EPHA3: variants seen among roughly 807,000 people sequenced by gnomAD.
The protein encoded by EPHA3 is EPH receptor A3, also known as ephrin type-A receptor 3.
Under a neutral mutation model 107.1 loss-of-function variants are expected in EPHA3, and 42 were observed. The observed-to-expected ratio is 0.39, with a 90% CI of 0.31 to 0.51. The LOEUF (loss-of-function observed/expected upper bound fraction) is 0.51. EPHA3 is among the 20% of genes least tolerant of loss of function. The pLI is 0.78. For missense variants in EPHA3, 1,183 were observed against 1,211.2 expected (o/e 0.98, Z 0.35); for synonymous variants, 461 against 424.8 (o/e 1.09, Z -1.05).
intron 5 of EPHA3, among the ~76,000 whole-genome samples, chr3:89,372,180 A>T (rs1708319505): frequency 6.6e-6 from 1 of 151,590 alleles, no homozygotes; most frequent in Non-Finnish European, 1.5e-5. Flanking sequence ...AAGGTTTTGG[A>T]ACCAGTCAGC....
intron 3 of EPHA3, among the ~76,000 whole-genome samples, chr3:89,312,567 G>A (rs190009008): frequency 9.2e-5 from 14 of 151,390 alleles, no homozygotes; most frequent in Admixed American, 7.3e-4. Context: ...CATTATACCC[G>A]TTATAGTTTC....
In EPHA3 at chr3:89,428,502, T is replaced by G. The variant is rs139996695; in HGVS notation, c.2075-604T>G. Reference sequence around the variant, plus strand: ...AGCAATTTTAATTTCAGTTTTATTTTCCATTTAAACATAGCATTCATTTCA... The same window carrying G: ...AGCAATTTTAATTTCAGTTTTATTTGCCATTTAAACATAGCATTCATTTCA... On this transcript the variant is annotated intron_variant, in intron 11 of 16. Transcript: ENST00000336596. 4.9e-3 allele frequency among the ~76,000 whole-genome samples: 749 copies of G among 152,202 alleles called. 7 individuals are homozygous for G. The highest frequency in any genetic ancestry group is 0.017 in the African/African-American group (726 of 41,554).
At chr3:89,196,496 G>A (rs1705839638) in intron 2 of EPHA3, among the ~76,000 whole-genome samples, 1 of 148,066 alleles carries the variant, frequency 6.8e-6, no homozygotes, top group Non-Finnish European at 1.5e-5. Context: ...GTGCATAACA[G>A]GTGTTTGATA....
At chr3:89,453,926 C>T (rs1197922135) in intron 15 of EPHA3, among the ~76,000 whole-genome samples, 1 of 152,118 alleles carries the variant, frequency 6.6e-6, no homozygotes, top group Non-Finnish European at 1.5e-5. Flanking sequence ...AGAGGCTAAT[C>T]CTCTACTCTT....
chr3:89,255,458 C>T (rs6794198), intron 3 of EPHA3, among the ~76,000 whole-genome samples: 36,815 of 151,986 alleles, frequency 0.24, 4,893 homozygotes, highest in African/African-American at 0.37. Flanking sequence ...ATTGAAACAC[C>T]GACATGTTAA....
chr3:89,374,098 T>C (rs950554385), intron 5 of EPHA3, among the ~76,000 whole-genome samples: 1 of 151,836 alleles, frequency 6.6e-6, no homozygotes, highest in Non-Finnish European at 1.5e-5. Context: ...CTCAGAAATA[T>C]AGTCATATAT....
intron 3 of EPHA3, among the ~76,000 whole-genome samples, chr3:89,281,173 G>A (rs956385576): frequency 2.6e-5 from 4 of 151,968 alleles, no homozygotes; most frequent in African/African-American, 9.7e-5. Context: ...ACAGGCCCAC[G>A]CCGCCACGCC....
chr3:89,456,341 A>T (rs766104728), intron 15 of EPHA3, among the ~76,000 whole-genome samples: 1 of 152,158 alleles, frequency 6.6e-6, no homozygotes, highest in Non-Finnish European at 1.5e-5. Context: ...CTGTGTTTAT[A>T]CACGTACCCT....
intron 3 of EPHA3, among the ~76,000 whole-genome samples, chr3:89,232,997 C>T (rs1704673021): frequency 6.6e-6 from 1 of 151,900 alleles, no homozygotes; most frequent in African/African-American, 2.4e-5. Flanking sequence ...ACTTTATATC[C>T]AAAAATAGTC....
intron 1 of EPHA3, among the ~76,000 whole-genome samples, chr3:89,119,497 AT>A (rs902931078): frequency 6.6e-5 from 10 of 152,224 alleles, no homozygotes; most frequent in African/African-American, 2.4e-4. Context: ...ACCATATTTG[AT>A]CCTTTGGGGA....
At chr3:89,406,038 T>G (rs1709049514) in intron 7 of EPHA3, among the ~76,000 whole-genome samples, 2 of 152,168 alleles carry the variant, frequency 1.3e-5, no homozygotes, top group African/African-American at 4.8e-5. Flanking sequence ...GAAGGAATAT[T>G]CTGAAAGATA....
intron 3 of EPHA3, among the ~76,000 whole-genome samples, chr3:89,302,028 C>T (rs549304070): frequency 1.2e-4 from 19 of 152,082 alleles, no homozygotes; most frequent in East Asian, 1.9e-4. Context: ...CTTCATACCA[C>T]GGAAGGAATC....
At chr3:89,284,480 T>C (rs1706030434) in intron 3 of EPHA3, among the ~76,000 whole-genome samples, 1 of 152,200 alleles carries the variant, frequency 6.6e-6, no homozygotes, top group South Asian at 2.1e-4. Flanking sequence ...TACTTAACTT[T>C]ATAATTTTCA....
At chr3:89,338,785 T>G (rs1559652606) in intron 3 of EPHA3, among the ~76,000 whole-genome samples, 1 of 152,108 alleles carries the variant, frequency 6.6e-6, no homozygotes, top group South Asian at 2.1e-4. Flanking sequence ...CTGACTTTTA[T>G]GGTTTTTACA....
intron 2 of EPHA3, among the ~76,000 whole-genome samples, chr3:89,184,095 C>G: frequency 6.6e-6 from 1 of 151,738 alleles, no homozygotes; most frequent in African/African-American, 2.4e-5. Context: ...TGTTGGTATT[C>G]TTCAAATGTT....
rs145406335 is a variant in EPHA3 at position 89,312,412 on chromosome 3, A to G, written c.815-28504A>G. ...ATTAAGATTTTCTACATACACAGTC[A>G]TGGTTTATGAAATAAAGACAGTTTT... On this transcript the variant is annotated intron_variant, in intron 3 of 16. Transcript: ENST00000336596. Among the ~76,000 whole-genome samples the G allele has an allele frequency of 2.1e-3, 320 of 151,082 alleles. 1 individual carries two copies. Among genetic ancestry groups the G allele is most frequent in the African/African-American group, 7.5e-3 (309 of 41,200 alleles).
chr3:89,170,148 C>T (rs1263496136), intron 2 of EPHA3, among the ~76,000 whole-genome samples: 5 of 151,474 alleles, frequency 3.3e-5, no homozygotes, highest in Non-Finnish European at 2.9e-5. Context: ...CTGCTCTGCT[C>T]GGGAGGCTGA....
In EPHA3 at chr3:89,472,542, C is replaced by A. The variant is rs1171887959; in HGVS notation, c.2769C>A (p.Val923=). The A allele has an allele frequency of 6.2e-7, 1 of 1,614,068 alleles. No individual in the cohort carries two copies. The highest frequency in any genetic ancestry group is 1.1e-5 in the South Asian group (1 of 91,080). ...CAACAGGTGACTGGCTTAATGGTGT[C>A]TGGACAGCACACTGCAAGGAAATCT... ...FRTTGDWLNG[V]WTAHCKEIFT... Residue 923 remains valine (V), a synonymous_variant, in exon 16 of 17, where the codon GTC becomes GTA. Coordinates refer to ENST00000336596, the MANE Select transcript of EPHA3 (RefSeq NM_005233.6).
intron 2 of EPHA3, among the ~76,000 whole-genome samples, chr3:89,132,237 G>A (rs1704221726): frequency 6.6e-6 from 1 of 152,158 alleles, no homozygotes; most frequent in South Asian, 2.1e-4. Context: ...AAGCCAGCAT[G>A]GAACCTTGAT....
Sources: allele counts gnomAD v4.1 joint callset (sites outside exome capture counted in the v4.1 genomes callset), GRCh38; gene constraint gnomAD v4.1.1; transcripts MANE v1.5; gene names NCBI Gene and HGNC (gene_info 2026-07-23, HGNC 2026-07-21).